Variants in CHST8 observed in about 807,000 individuals in gnomAD.
CHST8 encodes the protein GALNAC-4-ST1.
Under a neutral mutation model 15.0 loss-of-function variants are expected in CHST8, and 10 were observed. The observed-to-expected ratio is 0.67, with a 90% CI of 0.41 to 1.13. CHST8 has a LOEUF of 1.13. CHST8 is among the 50% of genes most tolerant of loss of function. The pLI, the probability that CHST8 is intolerant of heterozygous loss-of-function variation, is 0.00. For missense variants in CHST8, 634 were observed against 608.2 expected, an observed-to-expected ratio of 1.04 and a Z score of -0.45; for synonymous variants, 259 against 256.6, an observed-to-expected ratio of 1.01 and a Z score of -0.09.
intron 1 of CHST8, among the ~76,000 whole-genome samples, chr19:33,644,942 C>T (rs561011318): frequency 1.3e-5 from 2 of 152,232 alleles, no homozygotes; most frequent in South Asian, 4.2e-4. Flanking sequence ...GGTTCTCAGC[C>T]TGGGCGATTG....
chr19:33,698,810 G>T (rs576985372), intron 3 of CHST8, among the ~76,000 whole-genome samples: 1 of 152,210 alleles, frequency 6.6e-6, no homozygotes, highest in South Asian at 2.1e-4. Context: ...GAAGGACCAG[G>T]CAAGACAGGC....
intron 1 of CHST8, among the ~76,000 whole-genome samples, chr19:33,648,650 A>G (rs902810803): frequency 3.9e-5 from 6 of 152,138 alleles, no homozygotes; most frequent in Non-Finnish European, 5.9e-5. Context: ...CGGTCTAGCA[A>G]TTCCTCAAGA....
At chr19:33,713,914 G>A (rs1443421284) in intron 3 of CHST8, among the ~76,000 whole-genome samples, 4 of 152,128 alleles carry the variant, frequency 2.6e-5, no homozygotes, top group Admixed American at 2.6e-4. Context: ...GACAGAGCCT[G>A]GCTGAGGAGT....
In CHST8 at chr19:33,772,674, T is replaced by C; in HGVS notation, c.886T>C (p.Ser296Pro). The C allele has an allele frequency of 6.2e-7, 1 of 1,613,720 alleles. No homozygotes were observed. The highest frequency in any genetic ancestry group is 8.5e-7 in the Non-Finnish European group (1 of 1,180,008). ...AILARYRANA[S>P]REALRTGSGV... ...CCTGGCCCGGTACCGCGCCAATGCC[T>C]CTCGGGAGGCCCTGCGGACCGGCTC... Residue 296 changes from serine to proline, a missense_variant, in exon 5 of 5, where the codon TCT becomes CCT. Coordinates refer to ENST00000650847, the MANE Select transcript of CHST8 (RefSeq NM_001127895.2).
intron 2 of CHST8, among the ~76,000 whole-genome samples, chr19:33,686,502 G>T (rs1001564376): frequency 6.6e-6 from 1 of 152,174 alleles, no homozygotes; most frequent in East Asian, 1.9e-4. Flanking sequence ...ACTCTGCAGC[G>T]CCAGCTACTG....
At chr19:33,707,729 T>A (rs1973474634) in intron 3 of CHST8, among the ~76,000 whole-genome samples, 1 of 152,214 alleles carries the variant, frequency 6.6e-6, no homozygotes, top group African/African-American at 2.4e-5. Context: ...CATGTGAAAG[T>A]TTTTATGCAA....
intron 1 of CHST8, among the ~76,000 whole-genome samples, chr19:33,653,475 G>A (rs1006556384): frequency 1.3e-5 from 2 of 152,130 alleles, no homozygotes; most frequent in Non-Finnish European, 2.9e-5. Context: ...GGAAGTTGAG[G>A]CACTTATTCA....
chr19:33,756,869 C>A (rs559604924), intron 3 of CHST8, among the ~76,000 whole-genome samples: 22 of 152,342 alleles, frequency 1.4e-4, no homozygotes, highest in Admixed American at 1.4e-3. Flanking sequence ...CTGCAGTCAG[C>A]ACCCCAGGGC....
At chr19:33,658,237 A>T (rs1290421011) in intron 1 of CHST8, among the ~76,000 whole-genome samples, 3 of 152,174 alleles carry the variant, frequency 2.0e-5, no homozygotes, top group African/African-American at 7.2e-5. Context: ...CTACTTGGAA[A>T]GCTGAGGCAG....
Position 33,773,434 on chromosome 19 carries a change from T to G in CHST8, c.*371T>G. On this transcript the variant is annotated 3_prime_UTR_variant, in exon 5 of 5. Coordinates refer to ENST00000650847, the MANE Select transcript of CHST8 (RefSeq NM_001127895.2). ...ATTGCCTTGGACCAAACCACGTGGTTTGCAGCTTTTCTACGAGCCAGGGGG... is the reference window on the plus strand; with the variant it reads ...ATTGCCTTGGACCAAACCACGTGGTGTGCAGCTTTTCTACGAGCCAGGGGG... 8.8e-6 allele frequency: 2 copies of G among 228,514 alleles called. No individual in the cohort carries two copies. The highest frequency in any genetic ancestry group is 1.7e-5 in the Non-Finnish European group (2 of 116,154). 14.2% of individuals were successfully genotyped at this position (228,514 alleles called of 1,614,324 possible). A position where few individuals can be genotyped will look rare whatever the true frequency, so the allele number is the denominator to read the frequency against.
intron 1 of CHST8, among the ~76,000 whole-genome samples, chr19:33,640,422 C>A (rs117597226): frequency 0.016 from 2,395 of 152,324 alleles, 33 homozygotes; most frequent in Non-Finnish European, 0.025. Flanking sequence ...TCTGTCCGTT[C>A]CTGTTCCAAG....
At chr19:33,767,190 A>G (rs1051662298) in intron 3 of CHST8, among the ~76,000 whole-genome samples, 2 of 152,148 alleles carry the variant, frequency 1.3e-5, no homozygotes, top group Non-Finnish European at 2.9e-5. Context: ...CATTCGAGGC[A>G]GTTGGGTCCT....
intron 3 of CHST8, among the ~76,000 whole-genome samples, chr19:33,752,928 A>G (rs389169): frequency 6.6e-6 from 1 of 152,010 alleles, no homozygotes; most frequent in Admixed American, 6.5e-5. Context: ...ACAAACAACA[A>G]TTTTTTTGCC....
At chr19:33,684,179 C>T (rs1402182261) in intron 2 of CHST8, among the ~76,000 whole-genome samples, 1 of 152,186 alleles carries the variant, frequency 6.6e-6, no homozygotes, top group Non-Finnish European at 1.5e-5. Context: ...GCTATGGTGG[C>T]AAGCTTTAGG....
At chr19:33,653,488 C>G (rs1221927445) in intron 1 of CHST8, among the ~76,000 whole-genome samples, 1 of 152,164 alleles carries the variant, frequency 6.6e-6, no homozygotes, top group South Asian at 2.1e-4. Flanking sequence ...CTTATTCACT[C>G]TTAGGACTCA....
Position 33,716,876 on chromosome 19 carries a change from G to A in CHST8, c.130+27485G>A, listed in dbSNP as rs554711642. Among the ~76,000 whole-genome samples, 55 of 152,248 alleles carry A rather than the reference G, an allele frequency of 3.6e-4. 1 individual carries two copies. The highest frequency in any genetic ancestry group is 1.0e-3 in the African/African-American group (43 of 41,538). Reference sequence around the variant, plus strand: ...TGAGATCAAGGCATTGGGCAGCGTCGGTTTCTTCTGGGACCTTTCTCCTGG... The same window carrying A: ...TGAGATCAAGGCATTGGGCAGCGTCAGTTTCTTCTGGGACCTTTCTCCTGG... On this transcript the variant is annotated intron_variant, in intron 3 of 4. Transcript: ENST00000650847.
At chr19:33,631,476 T>A (rs1040079444) in intron 1 of CHST8, among the ~76,000 whole-genome samples, 1 of 152,138 alleles carries the variant, frequency 6.6e-6, no homozygotes, top group African/African-American at 2.4e-5. Context: ...TGGTCATCAC[T>A]ACCTTGCCAT....
Position 33,772,839 on chromosome 19 carries a change from A to T in CHST8, c.1051A>T (p.Met351Leu). Reference protein sequence around the residue: ...DYDFVGKFESMEDDANFFLSL... With the variant: ...DYDFVGKFESLEDDANFFLSL... ...CGATTTCGTAGGCAAGTTCGAGAGC[A>T]TGGAGGACGATGCCAACTTCTTCCT... The change falls in exon 5 of 5, where the codon ATG becomes TTG. Residue 351 changes from methionine to leucine, a missense_variant. Transcript: ENST00000650847. 6.2e-7 allele frequency: 1 copy of T among 1,613,520 alleles called. No individual in the cohort carries two copies. Among genetic ancestry groups the T allele is most frequent in the African/African-American group, 1.3e-5 (1 of 75,070 alleles).
intron 3 of CHST8, among the ~76,000 whole-genome samples, chr19:33,759,102 G>A (rs541228903): frequency 6.6e-6 from 1 of 152,312 alleles, no homozygotes; most frequent in South Asian, 2.1e-4. Context: ...AAGCCATGAA[G>A]GATCCCCCCA....
Sources: allele counts gnomAD v4.1 joint callset (sites outside exome capture counted in the v4.1 genomes callset), GRCh38; gene constraint gnomAD v4.1.1; transcripts MANE v1.5; gene names NCBI Gene and HGNC (gene_info 2026-07-23, HGNC 2026-07-21).